GARNL3: variants seen among roughly 807,000 people sequenced by gnomAD.
The protein encoded by GARNL3 is GTPase-activating Rap/Ran-GAP domain-like protein 3.
In GARNL3, 63 loss-of-function variants were observed where a neutral mutation model predicts 125.0. The ratio of observed to expected loss-of-function variants is 0.50; its 90% CI spans 0.41 to 0.62. GARNL3 has a LOEUF of 0.62. Ranked by LOEUF, GARNL3 falls within the 20% of genes least tolerant of loss-of-function variation. GARNL3 has a pLI of 0.00. For missense variants in GARNL3, 994 were observed against 1,244.0 expected (o/e 0.80, Z 3.02); for synonymous variants, 439 against 457.5 (o/e 0.96, Z 0.52).
Position 127,384,422 on chromosome 9 carries a change from C to T in GARNL3, c.2270-605C>T, listed in dbSNP as rs569942518. On this transcript the variant is annotated intron_variant, in intron 23 of 27. Transcript: ENST00000373387. This position sits in a 1 kb window ranked among gnomAD's most constrained non-coding sequence, Gnocchi z 4.0. ...TGCCCCAGGGCAGCCAGGGCAGGCA[C>T]AGTGCCTGGAAGCCAGTGTGTCATC... Among the ~76,000 whole-genome samples, 1 of 152,272 alleles carries T rather than the reference C, an allele frequency of 6.6e-6. No individual in the cohort carries two copies. Among genetic ancestry groups the T allele is most frequent in the South Asian group, 2.1e-4 (1 of 4,822 alleles).
chr9:127,279,862 C>T (rs897321261), intron 1 of GARNL3, among the ~76,000 whole-genome samples: 1 of 151,850 alleles, frequency 6.6e-6, no homozygotes, highest in Non-Finnish European at 1.5e-5. Flanking sequence ...TATCATTGTT[C>T]ATTTGGGACT....
chr9:127,364,679 A>G lies in GARNL3; in HGVS notation c.2095-621A>G, dbSNP rs1831187535. ...ATTGCACCATGCTGCCTCTCTTGAC[A>G]TGAAGAACAGAGAAAGAATAAAGTG... On this transcript the variant is annotated intron_variant, in intron 21 of 27. Coordinates refer to ENST00000373387, the MANE Select transcript of GARNL3 (RefSeq NM_032293.5). This position sits in a 1 kb window ranked among gnomAD's most constrained non-coding sequence, Gnocchi z 4.2. The G allele has an allele frequency of 6.6e-6, 1 of 152,306 alleles. No individual in the cohort carries two copies. The highest frequency in any genetic ancestry group is 2.4e-5 in the African/African-American group (1 of 41,434). 9.4% of individuals were successfully genotyped at this position (152,306 alleles called of 1,614,324 possible).
Position 127,365,769 on chromosome 9 carries a change from C to T in GARNL3, c.2161+403C>T, listed in dbSNP as rs530808563. On this transcript the variant is annotated intron_variant, in intron 22 of 27. Transcript: ENST00000373387. ...CAACTGAGGCCTAGAGAGGTGAACT[C>T]GTCAAGGTCTTGTGGCTACTAAGCA... Among the ~76,000 whole-genome samples, 3 of 152,284 alleles carry T rather than the reference C, an allele frequency of 2.0e-5. No homozygotes were observed. In the South Asian group the frequency reaches 6.2e-4, roughly 32 times the overall value.
intron 27 of GARNL3, among the ~76,000 whole-genome samples, chr9:127,391,535 T>TATATATAAAA (rs1832858165): frequency 1.6e-5 from 1 of 63,346 alleles, no homozygotes; most frequent in Non-Finnish European, 4.1e-5. Flanking sequence ...AAAAAAAAAA[T>TATATATAAAA]ATATATATAT....
intron 1 of GARNL3, among the ~76,000 whole-genome samples, chr9:127,287,673 T>C (rs768267062): frequency 5.3e-5 from 8 of 152,234 alleles, no homozygotes; most frequent in Non-Finnish European, 1.0e-4. Context: ...TAGGATCTCC[T>C]GCCCACCTAC....
intron 15 of GARNL3, 66 bp downstream of exon 15, chr9:127,344,405 C>T (rs1830028055): frequency 1.9e-6 from 2 of 1,053,332 alleles, no homozygotes; most frequent in Non-Finnish European, 2.9e-6. Context: ...AACCAGATGG[C>T]CCATGTGCAA....
chr9:127,248,552 C>G (rs553159026), intron 2 of GARNL3, among the ~76,000 whole-genome samples: 2 of 149,472 alleles, frequency 1.3e-5, no homozygotes, highest in South Asian at 4.3e-4. Context: ...CAATGAAACA[C>G]TGACAGCAAG....
intron 16 of GARNL3, among the ~76,000 whole-genome samples, chr9:127,347,038 A>G (rs1343859454): frequency 6.6e-6 from 1 of 152,160 alleles, no homozygotes; most frequent in African/African-American, 2.4e-5. Context: ...TGCTGCTGAC[A>G]CTGCACGCCC....
intron 17 of GARNL3, 119 bp downstream of exon 17, chr9:127,349,154 C>T (rs1026094703): frequency 2.5e-5 from 18 of 719,534 alleles, no homozygotes; most frequent in South Asian, 9.5e-5. Context: ...GAGAGTTTAG[C>T]GAAGTTTTAT....
intron 8 of GARNL3, 75 bp from the exon 9 acceptor site, chr9:127,332,948 C>T (rs1344626695): frequency 1.3e-5 from 13 of 1,013,588 alleles, no homozygotes; most frequent in East Asian, 1.2e-4. Flanking sequence ...AATTTTCCAG[C>T]GATTCCGGTC....
At chr9:127,353,981 G>A in intron 18 of GARNL3, 37 bp downstream of exon 18, 1 of 1,400,142 alleles carries the variant, frequency 7.1e-7, no homozygotes, top group South Asian at 1.2e-5. Flanking sequence ...TGTGGAGGAA[G>A]GAAAACAGTT....
chr9:127,313,859 A>G (rs2065161856), intron 4 of GARNL3, among the ~76,000 whole-genome samples: 1 of 152,206 alleles, frequency 6.6e-6, no homozygotes, highest in Non-Finnish European at 1.5e-5. Context: ...TGGGCAAAGA[A>G]TCAAGCCTTT....
At chr9:127,347,292 C>T (rs1372702671) in intron 16 of GARNL3, among the ~76,000 whole-genome samples, 1 of 152,104 alleles carries the variant, frequency 6.6e-6, no homozygotes, top group East Asian at 1.9e-4. Flanking sequence ...CATGGTGGCT[C>T]ATGCCTATGG....
chr9:127,224,921 C>CG (rs1243680252), intron 1 of GARNL3, among the ~76,000 whole-genome samples: 11 of 10,098 alleles, frequency 1.1e-3, no homozygotes, highest in Non-Finnish European at 2.2e-3. Flanking sequence ...GGGGCGTGGG[C>CG]GGGGCGTGGG....
At chr9:127,341,826 G>A (rs1034682837) in intron 13 of GARNL3, among the ~76,000 whole-genome samples, 2 of 152,200 alleles carry the variant, frequency 1.3e-5, no homozygotes, top group Non-Finnish European at 2.9e-5. Context: ...AGTAGAAACA[G>A]CAGAAGAATG....
At position 127,342,260 on chromosome 9, in the gene GARNL3, G is replaced by A. The variant is rs1443763858; in HGVS notation, c.1177G>A (p.Ala393Thr). The A allele has an allele frequency of 6.2e-7, 1 of 1,613,964 alleles. No individual in the cohort carries two copies. The highest frequency in any genetic ancestry group is 1.1e-5 in the South Asian group (1 of 91,072). Reference sequence around the variant, plus strand: ...AGCCACTTTGGAAACCCCAACATTTGCCCAGAAACGTCGGCGTACCCTGGA... The same window carrying A: ...AGCCACTTTGGAAACCCCAACATTTACCCAGAAACGTCGGCGTACCCTGGA... Reference protein sequence around the residue: ...EKATLETPTFAQKRRRTLDML... With the variant: ...EKATLETPTFTQKRRRTLDML... Residue 393 changes from alanine (A) to threonine (T), a missense_variant, in exon 14 of 28, where the codon GCC (alanine) becomes ACC (threonine). Physicochemically the swap from Ala to Thr is moderately conservative, Grantham distance 58. Coordinates refer to ENST00000373387, the MANE Select transcript of GARNL3 (RefSeq NM_032293.5).
At chr9:127,383,093 T>G (rs912413315) in intron 22 of GARNL3, among the ~76,000 whole-genome samples, 1 of 152,210 alleles carries the variant, frequency 6.6e-6, no homozygotes, top group African/African-American at 2.4e-5. Flanking sequence ...ACAAACTACT[T>G]CATCTCTCCT....
At position 127,246,886 on chromosome 9, in the gene GARNL3, G is replaced by A. The variant is rs917113749; in HGVS notation, c.143+3637G>A. ...AGGAGGCATTTAGGAAAGTCTTCTT[G>A]GAGAGAAGGTGAAATGGACCTTGAG... On this transcript the variant is annotated intron_variant, in intron 2 of 10. Coordinates refer to the GARNL3 transcript ENST00000439286. Among the ~76,000 whole-genome samples the A allele has an allele frequency of 6.6e-5, 10 of 151,472 alleles. No homozygotes were observed. The South Asian group carries it at 1.0e-3, about 16-fold the overall frequency.
At chr9:127,229,784 C>T (rs539422432) in intron 1 of GARNL3, among the ~76,000 whole-genome samples, 1 of 152,340 alleles carries the variant, frequency 6.6e-6, no homozygotes, top group East Asian at 1.9e-4. Context: ...GCTTGAGCCA[C>T]CATACCCAGC....
Sources: gnomAD v4.1 joint callset for allele counts (sites outside exome capture counted in the v4.1 genomes callset) on GRCh38, gnomAD v4.1.1 for gene constraint, Gnocchi (gnomAD v3.1) non-coding constraint, MANE v1.5 for transcripts, NCBI Gene and HGNC (gene_info 2026-07-23, HGNC 2026-07-21) for gene names.